Variants in PRKG1 observed in about 807,000 individuals in gnomAD.
The protein encoded by PRKG1 is protein kinase cGMP-dependent 1, also known as cGMP-dependent protein kinase 1.
PRKG1 carries 35 observed loss-of-function variants against 88.1 expected under a neutral mutation model. That is an observed-to-expected ratio of 0.40 (90% CI 0.30 to 0.53). The LOEUF (loss-of-function observed/expected upper bound fraction) is 0.53. Among genes scored for constraint, PRKG1 ranks in the 20% least tolerant of loss-of-function variants. PRKG1 has a pLI of 0.59. For missense variants in PRKG1, 540 were observed against 839.8 expected, an observed-to-expected ratio of 0.64 and a Z score of 4.41; for synonymous variants, 303 against 292.5, an observed-to-expected ratio of 1.04 and a Z score of -0.37.
At chr10:51,933,850 A>C (rs986422368) in intron 5 of PRKG1, among the ~76,000 whole-genome samples, 77 of 152,282 alleles carry the variant, frequency 5.1e-4, no homozygotes, top group African/African-American at 1.8e-3. Context: ...GTAAGAAAAT[A>C]TGTGCCAAAG....
intron 3 of PRKG1, among the ~76,000 whole-genome samples, chr10:51,642,595 A>G (rs565263331): frequency 3.9e-5 from 6 of 152,298 alleles, no homozygotes; most frequent in South Asian, 4.1e-4. Flanking sequence ...TGATTTTTAT[A>G]TACAGTCTTG....
chr10:51,446,663 G>C (rs1839281495), intron 2 of PRKG1, among the ~76,000 whole-genome samples: 1 of 152,008 alleles, frequency 6.6e-6, no homozygotes, highest in South Asian at 2.1e-4. Flanking sequence ...AACGGTCCTT[G>C]CTAATTAGAT....
chr10:51,457,809 C>T (rs1460213854), intron 2 of PRKG1, among the ~76,000 whole-genome samples: 1 of 152,114 alleles, frequency 6.6e-6, no homozygotes, highest in Non-Finnish European at 1.5e-5. Context: ...GATTGTTCAG[C>T]AGTTTTTTCT....
intron 3 of PRKG1, among the ~76,000 whole-genome samples, chr10:51,742,716 G>C (rs978817740): frequency 1.3e-5 from 2 of 152,150 alleles, no homozygotes; most frequent in Admixed American, 1.3e-4. Context: ...TAAAGGTGTA[G>C]TATGGGTTTA....
Position 52,293,880 on chromosome 10 carries a change from G to C in PRKG1, c.2041G>C (p.Gly681Arg). ...NDEPPPDDNS[G>R]WDIDF is the part of the protein sequence containing the mutation. ...TGAACCACCACCTGATGACAACTCA[G>C]GATGGGATATAGACTTCTAATGTAT... is the stretch of plus-strand genomic sequence containing the variant. Residue 681 changes from glycine (G) to arginine (R), a missense_variant, in exon 18 of 18, where the codon GGA becomes CGA. This residue lies in a region of PRKG1 where 26 missense variants were observed against 18.4 expected (regional missense o/e 1.41). Coordinates refer to ENST00000373980, the MANE Select transcript of PRKG1 (RefSeq NM_006258.4). 6.2e-7 allele frequency: 1 copy of C among 1,611,630 alleles called. No individual in the cohort carries two copies. The highest frequency in any genetic ancestry group is 2.2e-5 in the East Asian group (1 of 44,848).
intron 5 of PRKG1, among the ~76,000 whole-genome samples, chr10:52,020,886 G>T (rs1302272017): frequency 6.6e-6 from 1 of 152,028 alleles, no homozygotes; most frequent in African/African-American, 2.4e-5. Context: ...CCTTGTTCCT[G>T]CATTCAATTA....
intron 3 of PRKG1, among the ~76,000 whole-genome samples, chr10:51,597,313 G>C (rs181761503): frequency 1.3e-4 from 20 of 152,156 alleles, no homozygotes; most frequent in African/African-American, 4.1e-4. Context: ...ATGTTTGTAT[G>C]CTGTCTCAGT....
intron 8 of PRKG1, among the ~76,000 whole-genome samples, chr10:52,140,485 C>T (rs1428232196): frequency 6.6e-6 from 1 of 152,128 alleles, no homozygotes; most frequent in Non-Finnish European, 1.5e-5. Flanking sequence ...CTCCACTCCC[C>T]ATGCACACAC....
At chr10:51,268,770 T>C (rs1260717789) in intron 2 of PRKG1, among the ~76,000 whole-genome samples, 2 of 152,158 alleles carry the variant, frequency 1.3e-5, no homozygotes, top group Non-Finnish European at 2.9e-5. Flanking sequence ...GAGATTAAAG[T>C]AAAGACAGGC....
At chr10:51,938,182 C>T (rs1842834755) in intron 5 of PRKG1, among the ~76,000 whole-genome samples, 2 of 152,012 alleles carry the variant, frequency 1.3e-5, no homozygotes, top group African/African-American at 4.8e-5. Context: ...AAACACAGTA[C>T]ATTAAGATAT....
intron 9 of PRKG1, among the ~76,000 whole-genome samples, chr10:52,167,025 T>C (rs1417203271): frequency 6.6e-6 from 1 of 151,770 alleles, no homozygotes; most frequent in East Asian, 1.9e-4. Flanking sequence ...CATTTTCAAT[T>C]TTATATCTTG....
intron 3 of PRKG1, among the ~76,000 whole-genome samples, chr10:51,736,654 G>T (rs185629672): frequency 3.4e-5 from 5 of 148,644 alleles, no homozygotes; most frequent in Non-Finnish European, 5.9e-5. Context: ...TGTTGTCCAG[G>T]CTGGAGTGCA....
At chr10:51,110,368 A>G (rs906392832) in intron 1 of PRKG1, among the ~76,000 whole-genome samples, 2 of 152,154 alleles carry the variant, frequency 1.3e-5, no homozygotes, top group Admixed American at 1.3e-4. Flanking sequence ...ACTCAATAAT[A>G]AAAAGCAATA....
intron 4 of PRKG1, among the ~76,000 whole-genome samples, chr10:51,879,814 G>A (rs1446418366): frequency 1.3e-5 from 2 of 152,182 alleles, no homozygotes; most frequent in East Asian, 1.9e-4. Context: ...CCACCTGTGG[G>A]CATCTGGGTT....
At chr10:52,148,957 CTTTTTTTTTTTTTTTT>C (rs71904885) in intron 8 of PRKG1, among the ~76,000 whole-genome samples, 3 of 55,160 alleles carry the variant, frequency 5.4e-5, no homozygotes, top group South Asian at 8.2e-4. Context: ...GATAGTTTTG[CTTTTTTTTTTTTTTTT>C]TTTTTTTTTT....
intron 3 of PRKG1, among the ~76,000 whole-genome samples, chr10:51,491,713 T>A (rs560502372): frequency 6.6e-6 from 1 of 152,254 alleles, no homozygotes; most frequent in Non-Finnish European, 1.5e-5. Context: ...CTGTGAATGA[T>A]CGAGTAATTC....
intron 1 of PRKG1, among the ~76,000 whole-genome samples, chr10:51,086,358 G>A (rs1844247804): frequency 6.6e-6 from 1 of 152,202 alleles, no homozygotes; most frequent in South Asian, 2.1e-4. Flanking sequence ...TAATAAAAGT[G>A]TTTTCTTTCT....
At chr10:51,145,366 T>G (rs1845918991) in intron 1 of PRKG1, among the ~76,000 whole-genome samples, 1 of 152,194 alleles carries the variant, frequency 6.6e-6, no homozygotes, top group Admixed American at 6.5e-5. Flanking sequence ...TCTCAGTTAT[T>G]ACCCTGTTTT....
intron 5 of PRKG1, among the ~76,000 whole-genome samples, chr10:51,953,569 C>T (rs867083018): frequency 6.6e-5 from 10 of 152,132 alleles, no homozygotes; most frequent in African/African-American, 1.2e-4. Context: ...ACAGTTAGTT[C>T]GGGAGGTACT....
Sources: allele counts gnomAD v4.1 joint callset (sites outside exome capture counted in the v4.1 genomes callset), GRCh38; gene constraint gnomAD v4.1.1; regional missense constraint gnomAD v4.1.1; transcripts MANE v1.5; gene names NCBI Gene and HGNC (gene_info 2026-07-23, HGNC 2026-07-21).